Variants in CENPC observed in about 807,000 individuals in gnomAD.
CENPC encodes centromere protein C.
In CENPC, 63 loss-of-function variants were observed where a neutral mutation model predicts 112.1. The ratio of observed to expected loss-of-function variants is 0.56; its 90% CI spans 0.46 to 0.69. The LOEUF (loss-of-function observed/expected upper bound fraction) is 0.69. Ranked by LOEUF, CENPC falls within the 30% of genes least tolerant of loss-of-function variation. The pLI, the probability that CENPC is intolerant of heterozygous loss-of-function variation, is 0.00. For synonymous variants in CENPC, 333 were observed against 367.6 expected (o/e 0.91, Z 1.08); for missense variants, 1,000 against 1,103.8 (o/e 0.91, Z 1.33).
intron 5 of CENPC, among the ~76,000 whole-genome samples, chr4:67,527,767 C>T (rs1297070716): frequency 6.6e-6 from 1 of 151,898 alleles, no homozygotes; most frequent in Non-Finnish European, 1.5e-5. Flanking sequence ...TCCCAAAGTG[C>T]TGGAACTATA....
intron 12 of CENPC, among the ~76,000 whole-genome samples, chr4:67,499,374 C>T (rs1428406163): frequency 6.6e-6 from 1 of 152,164 alleles, no homozygotes; most frequent in African/African-American, 2.4e-5. Flanking sequence ...GTAAAGACAC[C>T]TTCAATTATC....
At chr4:67,526,915 G>A (rs1436623593) in intron 5 of CENPC, among the ~76,000 whole-genome samples, 1 of 152,056 alleles carries the variant, frequency 6.6e-6, no homozygotes, top group Non-Finnish European at 1.5e-5. Flanking sequence ...CTTCATAAAT[G>A]TAGAACTGAA....
intron 17 of CENPC, among the ~76,000 whole-genome samples, chr4:67,482,741 CAG>C (rs1724988162): frequency 6.6e-6 from 1 of 152,100 alleles, no homozygotes; most frequent in Non-Finnish European, 1.5e-5. Context: ...TTTGAGGACT[CAG>C]GGGGAAGGGT....
intron 16 of CENPC, among the ~76,000 whole-genome samples, chr4:67,491,527 A>AGCGC (rs1553893263): frequency 1.6e-5 from 2 of 126,462 alleles, no homozygotes; most frequent in African/African-American, 5.9e-5. Flanking sequence ...AGAGAGAGAG[A>AGCGC]GCCTGGTTGT....
intron 12 of CENPC, among the ~76,000 whole-genome samples, chr4:67,504,684 T>C (rs900383099): frequency 1.3e-5 from 2 of 151,956 alleles, no homozygotes; most frequent in Non-Finnish European, 2.9e-5. Context: ...TAGCCAGGCG[T>C]GGTGGCAGGT....
At position 67,473,176 on chromosome 4, in the gene CENPC, C is replaced by A. The variant is rs539995351; in HGVS notation, c.2762-501G>T. ...AACTCCTGGGCTCAAGCTATCCTCC[C>A]GCCTCTTGCCTCCCTGAGAGCTGGG... On this transcript the variant is annotated intron_variant, in intron 18 of 18. Coordinates refer to ENST00000273853, the MANE Select transcript of CENPC (RefSeq NM_001812.4). 6.9e-3 allele frequency among the ~76,000 whole-genome samples: 1,052 copies of A among 151,806 alleles called. 19 individuals are homozygous for A. The highest frequency in any genetic ancestry group is 8.1e-3 in the Non-Finnish European group (552 of 67,898).
At chr4:67,503,099 T>TC (rs1341796005) in intron 12 of CENPC, among the ~76,000 whole-genome samples, 1 of 152,136 alleles carries the variant, frequency 6.6e-6, no homozygotes, top group Non-Finnish European at 1.5e-5. Context: ...CTCAAAACCC[T>TC]CTAATGGCTT....
intron 7 of CENPC, among the ~76,000 whole-genome samples, chr4:67,517,413 C>T (rs1282379652): frequency 6.6e-5 from 10 of 151,642 alleles, no homozygotes; most frequent in African/African-American, 1.9e-4. Context: ...CCACCCGCCT[C>T]GGCCTATCAA....
chr4:67,497,259 T>A (rs960207816), intron 12 of CENPC, among the ~76,000 whole-genome samples: 3 of 151,838 alleles, frequency 2.0e-5, no homozygotes, highest in Admixed American at 1.3e-4. Flanking sequence ...ACGCCTGTAA[T>A]CTCAGCTACT....
intron 17 of CENPC, among the ~76,000 whole-genome samples, chr4:67,478,665 CA>C (rs368211231): frequency 0.28 from 30,585 of 107,522 alleles, 3,496 homozygotes; most frequent in Admixed American, 0.4. Flanking sequence ...CACACACACA[CA>C]CCCAAAGTAT....
At chr4:67,473,864 T>C (rs553721763) in intron 18 of CENPC, among the ~76,000 whole-genome samples, 7 of 152,320 alleles carry the variant, frequency 4.6e-5, no homozygotes, top group South Asian at 2.1e-4. Context: ...CTCTTAATCA[T>C]ACTTGTTGAA....
At chr4:67,493,033 A>C in intron 14 of CENPC, 36 bp from the exon 15 acceptor site, 2 of 1,470,878 alleles carry the variant, frequency 1.4e-6, no homozygotes, top group Non-Finnish European at 1.8e-6. Context: ...TATACATGGG[A>C]AAGACAAAAT....
intron 17 of CENPC, among the ~76,000 whole-genome samples, chr4:67,487,310 T>A (rs897102452): frequency 5.9e-5 from 9 of 151,848 alleles, no homozygotes; most frequent in African/African-American, 2.2e-4. Context: ...AGTAACAAAT[T>A]TTTGTTGTAG....
Position 67,505,223 on chromosome 4 carries a change from C to G in CENPC, c.2113G>C (p.Glu705Gln). Residue 705 changes from glutamate to glutamine, a missense_variant, in exon 12 of 19, where the codon GAA (glutamate) becomes CAA (glutamine). Coordinates refer to ENST00000273853, the MANE Select transcript of CENPC (RefSeq NM_001812.4). ...MSGKNDVDDEEVHGSSDDSKQ... is the reference protein window; with the variant it reads ...MSGKNDVDDEQVHGSSDDSKQ... ...AGTTTACCTGAACTTCCATGAACTTCCTCATCATCCACATCATTCTTTCCA... is the reference window on the plus strand; with the variant it reads ...AGTTTACCTGAACTTCCATGAACTTGCTCATCATCCACATCATTCTTTCCA... 1 of 1,581,940 alleles carries G rather than the reference C, an allele frequency of 6.3e-7. No individual in the cohort carries two copies. The highest frequency in any genetic ancestry group is 8.6e-7 in the Non-Finnish European group (1 of 1,163,896).
At chr4:67,474,436 G>C (rs1379740386) in intron 18 of CENPC, among the ~76,000 whole-genome samples, 3 of 152,074 alleles carry the variant, frequency 2.0e-5, no homozygotes, top group African/African-American at 7.2e-5. Context: ...GGGCACTGTG[G>C]CTCACACCTG....
intron 5 of CENPC, among the ~76,000 whole-genome samples, chr4:67,529,460 G>T (rs1726480352): frequency 6.6e-6 from 1 of 151,962 alleles, no homozygotes; most frequent in Admixed American, 6.6e-5. Flanking sequence ...CGAGTACCTG[G>T]GATAACAGGT....
At chr4:67,488,385 C>G (rs2109772141) in intron 17 of CENPC, among the ~76,000 whole-genome samples, 1 of 152,042 alleles carries the variant, frequency 6.6e-6, no homozygotes, top group East Asian at 1.9e-4. Flanking sequence ...GTTTCTAATT[C>G]TGCAATTACC....
intron 17 of CENPC, among the ~76,000 whole-genome samples, chr4:67,485,219 C>T (rs1397736417): frequency 1.3e-5 from 2 of 152,114 alleles, no homozygotes; most frequent in Non-Finnish European, 2.9e-5. Flanking sequence ...AGCTAAATCC[C>T]TATTCCCCTC....
intron 9 of CENPC, 162 bp downstream of exon 9, chr4:67,512,240 G>A (rs1432262285): frequency 4.1e-5 from 23 of 566,782 alleles, no homozygotes; most frequent in Non-Finnish European, 6.6e-5. Context: ...ATATATTAAC[G>A]CTTCAAGGAA....
Sources: allele counts gnomAD v4.1 joint callset (sites outside exome capture counted in the v4.1 genomes callset), GRCh38; gene constraint gnomAD v4.1.1; transcripts MANE v1.5; gene names NCBI Gene and HGNC (gene_info 2026-07-23, HGNC 2026-07-21).